The following FHOD3 variants were observed in gnomAD, a reference collection of about 807,000 sequenced individuals.
FHOD3 encodes FH1/FH2 domain-containing protein 3.
FHOD3 carries 90 observed loss-of-function variants against 173.0 expected under a neutral mutation model. The ratio of observed to expected loss-of-function variants is 0.52; its 90% CI spans 0.44 to 0.62. The LOEUF (loss-of-function observed/expected upper bound fraction) is 0.62, where lower values mean the gene tolerates loss of function less well. FHOD3 is among the 20% of genes least tolerant of loss of function. The probability of loss-of-function intolerance (pLI) is 0.00; values close to 1 mark genes in which losing one functional copy is unlikely to be tolerated. For synonymous variants in FHOD3, 828 were observed against 823.0 expected (o/e 1.01, Z -0.10); for missense variants, 1,945 against 2,034.7 (o/e 0.96, Z 0.85).
intron 8 of FHOD3, among the ~76,000 whole-genome samples, chr18:36,608,692 TTTA>T (rs1215636111): frequency 6.6e-6 from 1 of 152,196 alleles, no homozygotes; most frequent in African/African-American, 2.4e-5. Context: ...AAACCACTGA[TTTA>T]TTCTCTGATC....
chr18:36,482,868 G>C (rs62086189), intron 3 of FHOD3, among the ~76,000 whole-genome samples: 34,648 of 88,450 alleles, frequency 0.39, 4,974 homozygotes, highest in Admixed American at 0.53. Context: ...CAGAGAGAGA[G>C]AGAGAGAGAG....
chr18:36,655,390 C>T (rs1412642136), intron 13 of FHOD3, among the ~76,000 whole-genome samples: 3 of 152,022 alleles, frequency 2.0e-5, no homozygotes, highest in Non-Finnish European at 4.4e-5. Context: ...CAGACCCTTC[C>T]CGTTTGGTCT....
At chr18:36,643,709 AT>A (rs1292846042) in intron 10 of FHOD3, among the ~76,000 whole-genome samples, 10 of 152,082 alleles carry the variant, frequency 6.6e-5, no homozygotes, top group African/African-American at 2.4e-4. Flanking sequence ...TCAGAATAAA[AT>A]ATCTCTTCAT....
intron 4 of FHOD3, among the ~76,000 whole-genome samples, chr18:36,502,426 G>C (rs146537821): frequency 6.5e-4 from 99 of 152,200 alleles, no homozygotes; most frequent in African/African-American, 2.2e-3. Context: ...AGGCCCTGGT[G>C]TGTGATGTTC....
chr18:36,712,531 T>G (rs1449736459), intron 18 of FHOD3, among the ~76,000 whole-genome samples: 1 of 151,618 alleles, frequency 6.6e-6, no homozygotes, highest in Non-Finnish European at 1.5e-5. Context: ...AAGAAATGAT[T>G]AGCCAACTCA....
intron 19 of FHOD3, among the ~76,000 whole-genome samples, chr18:36,728,594 T>G (rs1163639624): frequency 7.6e-6 from 1 of 131,118 alleles, no homozygotes; most frequent in East Asian, 2.7e-4. Flanking sequence ...GTTGTTGGGT[T>G]TTTTTTTTTT....
At chr18:36,421,206 A>G (rs374031968) in intron 3 of FHOD3, among the ~76,000 whole-genome samples, 4 of 152,348 alleles carry the variant, frequency 2.6e-5, no homozygotes, top group African/African-American at 9.6e-5. Flanking sequence ...TTTAAAATGG[A>G]AATATGGATT....
At chr18:36,349,519 CA>C (rs2046019963) in intron 1 of FHOD3, among the ~76,000 whole-genome samples, 2 of 152,106 alleles carry the variant, frequency 1.3e-5, no homozygotes, top group South Asian at 4.2e-4. Context: ...AAACTATAAC[CA>C]AAATTAGTTT....
intron 24 of FHOD3, among the ~76,000 whole-genome samples, chr18:36,750,753 A>G (rs1372829228): frequency 6.6e-6 from 1 of 152,166 alleles, no homozygotes. Context: ...TCTTTTCCCC[A>G]TTGCTTGTTT....
At chr18:36,450,980 A>G (rs1469256296) in intron 3 of FHOD3, among the ~76,000 whole-genome samples, 1 of 152,242 alleles carries the variant, frequency 6.6e-6, no homozygotes, top group Non-Finnish European at 1.5e-5. Context: ...ACATCAGAAT[A>G]ATTGGTAATC....
At chr18:36,551,012 T>A (rs1344838912) in intron 5 of FHOD3, among the ~76,000 whole-genome samples, 2 of 152,212 alleles carry the variant, frequency 1.3e-5, no homozygotes, top group Non-Finnish European at 2.9e-5. Flanking sequence ...AGAAAAGCAT[T>A]CAGTGTTTCT....
chr18:36,298,071 C>A, intron 1 of FHOD3, 71 bp downstream of exon 1: 1 of 1,352,540 alleles, frequency 7.4e-7, no homozygotes, highest in Non-Finnish European at 9.6e-7. Flanking sequence ...GGGGTGGGTC[C>A]CGGGGCTTCG....
chr18:36,517,266 A>G lies in FHOD3; in HGVS notation c.511+4723A>G, dbSNP rs181922645. Reference sequence around the variant, plus strand: ...TGTACCTCACAATTATTCTTATAGAAGGAGGACCTAGAGTGGTATATTGCT... The same window carrying G: ...TGTACCTCACAATTATTCTTATAGAGGGAGGACCTAGAGTGGTATATTGCT... On this transcript the variant is annotated intron_variant, in intron 5 of 28. Transcript: ENST00000590592. Among the ~76,000 whole-genome samples the G allele has an allele frequency of 7.2e-3, 1,091 of 152,324 alleles. 7 individuals carry two copies. Among genetic ancestry groups the G allele is most frequent in the Non-Finnish European group, 0.012 (798 of 68,022 alleles).
chr18:36,361,607 A>C (rs2046620712), intron 2 of FHOD3, among the ~76,000 whole-genome samples: 1 of 149,486 alleles, frequency 6.7e-6, no homozygotes, highest in Admixed American at 6.8e-5. Context: ...AATTGCTTGA[A>C]CCCAGGAGGT....
At chr18:36,572,840 G>A (rs866961789) in intron 5 of FHOD3, among the ~76,000 whole-genome samples, 8 of 152,254 alleles carry the variant, frequency 5.3e-5, no homozygotes, top group South Asian at 2.1e-4. Flanking sequence ...GTGGTTAGCT[G>A]ATTTAAAGGA....
At chr18:36,311,822 G>A (rs992842170) in intron 1 of FHOD3, among the ~76,000 whole-genome samples, 2 of 152,186 alleles carry the variant, frequency 1.3e-5, no homozygotes, top group Non-Finnish European at 2.9e-5. Context: ...CTTTGCTGAT[G>A]GGGGGAGGGG....
At chr18:36,553,504 A>C (rs1033434242) in intron 5 of FHOD3, among the ~76,000 whole-genome samples, 2 of 152,086 alleles carry the variant, frequency 1.3e-5, no homozygotes, top group African/African-American at 4.8e-5. Flanking sequence ...AGAGCCTGCT[A>C]TTGGTCTATT....
chr18:36,352,841 C>G (rs111308565), intron 1 of FHOD3, among the ~76,000 whole-genome samples: 4,608 of 152,300 alleles, frequency 0.03, 119 homozygotes, highest in Non-Finnish European at 0.043. Flanking sequence ...AATCAGCTTT[C>G]TTAGTTAATA....
chr18:36,649,178 GGT>G, intron 10 of FHOD3, 136 bp from the exon 11 acceptor site: 1 of 570,724 alleles, frequency 1.8e-6, no homozygotes, highest in South Asian at 2.3e-5. Context: ...CCAGCTGGGT[GGT>G]TTTTTTTTTT....
Sources: allele counts gnomAD v4.1 joint callset (sites outside exome capture counted in the v4.1 genomes callset), GRCh38; gene constraint gnomAD v4.1.1; transcripts MANE v1.5; gene names NCBI Gene and HGNC (gene_info 2026-07-23, HGNC 2026-07-21).